RAD54B: variants seen among roughly 807,000 people sequenced by gnomAD.
RAD54B encodes DNA repair and recombination protein RAD54B.
A neutral mutation model predicts 95.8 loss-of-function variants in RAD54B; 78 were observed. The ratio of observed to expected loss-of-function variants is 0.81; its 90% CI spans 0.68 to 0.98. RAD54B has a LOEUF of 0.98. RAD54B is among the 50% of genes least tolerant of loss of function. The pLI is 0.00. For missense variants in RAD54B, 957 were observed against 1,056.6 expected, an observed-to-expected ratio of 0.91 and a Z score of 1.31; for synonymous variants, 328 against 354.9, an observed-to-expected ratio of 0.92 and a Z score of 0.85.
intron 8 of RAD54B, 75 bp from the exon 9 acceptor site, chr8:94,393,957 A>G (rs915679698): frequency 6.1e-6 from 8 of 1,317,362 alleles, no homozygotes; most frequent in Non-Finnish European, 8.3e-6. Context: ...TAGCAAAACC[A>G]CAATGGAAGT....
chr8:94,449,047 T>TGCAC (rs1491583147), intron 3 of RAD54B, among the ~76,000 whole-genome samples: 28 of 107,062 alleles, frequency 2.6e-4, no homozygotes, highest in African/African-American at 8.9e-4. Context: ...CACACATGCA[T>TGCAC]GCACACACAC....
chr8:94,403,357 TG>T (rs772098570), intron 6 of RAD54B, among the ~76,000 whole-genome samples: 25 of 152,194 alleles, frequency 1.6e-4, no homozygotes, highest in Admixed American at 3.3e-4. Flanking sequence ...TATTTTCAGA[TG>T]TAGAGACAGA....
At chr8:94,408,989 T>C (rs527638771) in intron 4 of RAD54B, among the ~76,000 whole-genome samples, 1 of 152,216 alleles carries the variant, frequency 6.6e-6, no homozygotes, top group East Asian at 1.9e-4. Context: ...TAAACTTTGT[T>C]TCACATACTG....
At chr8:94,387,225 TA>T (rs371558053) in intron 10 of RAD54B, 66 bp from the exon 11 acceptor site, 24 of 1,330,098 alleles carry the variant, frequency 1.8e-5, no homozygotes, top group Non-Finnish European at 2.4e-5. Context: ...GGGAAAATGC[TA>T]AAATTATGGA....
chr8:94,461,160 C>CTTTTTTT (rs57563259), intron 2 of RAD54B, among the ~76,000 whole-genome samples: 1 of 59,982 alleles, frequency 1.7e-5, no homozygotes. Context: ...AAATACTCAT[C>CTTTTTTT]TTTTTTTTTT....
chr8:94,442,455 G>A (rs1812422914), intron 3 of RAD54B, among the ~76,000 whole-genome samples: 1 of 151,842 alleles, frequency 6.6e-6, no homozygotes, highest in Non-Finnish European at 1.5e-5. Context: ...GGCGCCTGTA[G>A]TCCCAGCTAC....
intron 3 of RAD54B, among the ~76,000 whole-genome samples, chr8:94,424,380 C>T (rs1298876200): frequency 1.3e-5 from 2 of 152,186 alleles, no homozygotes; most frequent in South Asian, 2.1e-4. Context: ...ATGTAAAACA[C>T]AACAGTATTT....
At chr8:94,466,135 A>C (rs1813018437) in intron 2 of RAD54B, among the ~76,000 whole-genome samples, 2 of 152,196 alleles carry the variant, frequency 1.3e-5, no homozygotes, top group Non-Finnish European at 2.9e-5. Flanking sequence ...TTAATTGTAC[A>C]CTTAAAAATG....
At chr8:94,388,847 A>C (rs1563638047) in intron 10 of RAD54B, among the ~76,000 whole-genome samples, 1 of 152,208 alleles carries the variant, frequency 6.6e-6, no homozygotes, top group Non-Finnish European at 1.5e-5. Context: ...ACTTGGAAAG[A>C]TCATCAAAGG....
chr8:94,409,143 C>T (rs1412624432), intron 4 of RAD54B, among the ~76,000 whole-genome samples: 1 of 151,938 alleles, frequency 6.6e-6, no homozygotes, highest in Non-Finnish European at 1.5e-5. Flanking sequence ...TATTGTATAT[C>T]CCAGTTATTT....
At chr8:94,427,706 CACA>C (rs1811977230) in intron 3 of RAD54B, 1 of 983,056 alleles carries the variant, frequency 1.0e-6, no homozygotes, top group South Asian at 4.7e-5. Flanking sequence ...AAAAAAAGTA[CACA>C]AATCAGTACA....
At chr8:94,374,596 C>A (rs944784326) in intron 14 of RAD54B, among the ~76,000 whole-genome samples, 23 of 151,724 alleles carry the variant, frequency 1.5e-4, no homozygotes, top group African/African-American at 5.6e-4. Flanking sequence ...AAAAGATAGA[C>A]CAGACAAACC....
intron 1 of RAD54B, among the ~76,000 whole-genome samples, chr8:94,473,541 G>A (rs1813220136): frequency 2.0e-5 from 3 of 152,072 alleles, no homozygotes; most frequent in Admixed American, 2.0e-4. Context: ...AACAAAACTT[G>A]ACACATAGTA....
At position 94,378,172 on chromosome 8, in the gene RAD54B, T is replaced by C. The variant is rs1466559875; in HGVS notation, c.2515+8A>G. On this transcript the variant is annotated splice_region_variant and intron_variant, in intron 14 of 14. Transcript: ENST00000336148. Reference sequence around the variant, plus strand: ...ACTACATAGTAACAGAATTAAAATATAACTAACCTGTATGAACTTCTTCTC... The same window carrying C: ...ACTACATAGTAACAGAATTAAAATACAACTAACCTGTATGAACTTCTTCTC... The C allele has an allele frequency of 1.1e-5, 17 of 1,588,932 alleles. No homozygotes were observed. Among genetic ancestry groups the C allele is most frequent in the Admixed American group, 1.7e-5 (1 of 58,158 alleles).
chr8:94,377,061 T>C (rs1046567512), intron 14 of RAD54B, among the ~76,000 whole-genome samples: 8 of 152,098 alleles, frequency 5.3e-5, no homozygotes, highest in Non-Finnish European at 1.2e-4. Context: ...TTCTGGAGGG[T>C]AAATTTTCAG....
chr8:94,375,273 T>G (rs1339413399), intron 14 of RAD54B, among the ~76,000 whole-genome samples: 1 of 152,228 alleles, frequency 6.6e-6, no homozygotes, highest in Non-Finnish European at 1.5e-5. Flanking sequence ...TGATATGGTT[T>G]GGCAGTGTCC....
At chr8:94,468,670 A>T (rs1242117776) in intron 1 of RAD54B, among the ~76,000 whole-genome samples, 1 of 152,040 alleles carries the variant, frequency 6.6e-6, no homozygotes, top group Non-Finnish European at 1.5e-5. Flanking sequence ...CTAAAAAAAA[A>T]TACCAAAAAT....
intron 3 of RAD54B, among the ~76,000 whole-genome samples, chr8:94,424,004 C>G (rs1365001489): frequency 1.3e-5 from 2 of 152,242 alleles, no homozygotes; most frequent in Non-Finnish European, 2.9e-5. Context: ...GAGTAAAATA[C>G]CGTATTGTAT....
At chr8:94,416,739 T>C (rs1040074762) in intron 3 of RAD54B, among the ~76,000 whole-genome samples, 1 of 152,112 alleles carries the variant, frequency 6.6e-6, no homozygotes, top group Non-Finnish European at 1.5e-5. Flanking sequence ...TAAACAAGTG[T>C]GATGCGTATG....
Sources: gnomAD v4.1 joint callset for allele counts (sites outside exome capture counted in the v4.1 genomes callset) on GRCh38, gnomAD v4.1.1 for gene constraint, MANE v1.5 for transcripts, NCBI Gene and HGNC (gene_info 2026-07-23, HGNC 2026-07-21) for gene names.